Variants in DIPK1C observed in about 807,000 individuals in gnomAD.
DIPK1C encodes the protein familial non-conventional Alzheimer's dementia.
A neutral mutation model predicts 28.0 loss-of-function variants in DIPK1C; 33 were observed. That is an observed-to-expected ratio of 1.18 (90% CI 0.89 to 1.58). The LOEUF (loss-of-function observed/expected upper bound fraction) is 1.58. Ranked by LOEUF, DIPK1C falls within the 40% of genes most tolerant of loss-of-function variation. The pLI is 0.00. For missense variants in DIPK1C, 569 were observed against 568.5 expected (o/e 1.00, Z -0.01); for synonymous variants, 255 against 248.8 (o/e 1.02, Z -0.23).
upstream of DIPK1C, among the ~76,000 whole-genome samples, chr18:74,461,433 C>T (rs188168702): frequency 2.8e-4 from 40 of 144,140 alleles, no homozygotes; most frequent in East Asian, 5.6e-3. Context: ...GACAGGGTCT[C>T]GCTCTGTTGC....
chr18:74,463,583 C>T, the DIPK1C span, among the ~76,000 whole-genome samples: 1 of 152,140 alleles, frequency 6.6e-6, no homozygotes, highest in African/African-American at 2.4e-5. Context: ...CCTTCCCGCC[C>T]TCACCCCCAC....
Position 74,442,132 on chromosome 18 carries a change from C to G in DIPK1C, c.877-16G>C, listed in dbSNP as rs1271088126. 2.5e-6 allele frequency: 4 copies of G among 1,613,234 alleles called. No individual in the cohort carries two copies. In the East Asian group the frequency reaches 8.9e-5, roughly 36 times the overall value. On this transcript the variant is annotated splice_polypyrimidine_tract_variant and intron_variant, in intron 2 of 3. Coordinates refer to ENST00000343998, the MANE Select transcript of DIPK1C (RefSeq NM_001044369.3). ...TAGCCACCACCTGTAATCAAAACAG[C>G]ACGGGGCTATCAAAGGGCTACTGGT...
chr18:74,436,840 A>G, intron 3 of DIPK1C, 121 bp from the exon 4 acceptor site: 1 of 875,402 alleles, frequency 1.1e-6, no homozygotes, highest in Non-Finnish European at 1.7e-6. Flanking sequence ...CCCGTCCTTC[A>G]GGGAGCACAC....
At chr18:74,459,109 G>A (rs2144537360), upstream of DIPK1C, among the ~76,000 whole-genome samples, 1 of 152,336 alleles carries the variant, frequency 6.6e-6, no homozygotes, top group African/African-American at 2.4e-5. Flanking sequence ...TACCTAAAAG[G>A]AGAAAAAGAA....
At chr18:74,455,652 A>G (rs1986490608) in intron 1 of DIPK1C, among the ~76,000 whole-genome samples, 1 of 143,980 alleles carries the variant, frequency 6.9e-6, no homozygotes, top group Non-Finnish European at 1.5e-5. Flanking sequence ...TTAGCCAGGC[A>G]TGGTGGTGGA....
chr18:74,456,509 G>C (rs1351715268), intron 1 of DIPK1C, among the ~76,000 whole-genome samples: 1 of 152,222 alleles, frequency 6.6e-6, no homozygotes, highest in Non-Finnish European at 1.5e-5. Flanking sequence ...CCGCGACCGC[G>C]GAGAGCCTGG....
At chr18:74,444,457 G>A (rs1054847435) in intron 2 of DIPK1C, among the ~76,000 whole-genome samples, 4 of 152,288 alleles carry the variant, frequency 2.6e-5, no homozygotes, top group East Asian at 1.9e-4. Context: ...GGACCCACCC[G>A]CCGGGACTCT....
At chr18:74,448,967 G>T (rs569879928) in intron 1 of DIPK1C, among the ~76,000 whole-genome samples, 5 of 152,028 alleles carry the variant, frequency 3.3e-5, no homozygotes, top group Non-Finnish European at 7.4e-5. Context: ...AAATTAGCTG[G>T]GCATGGTGGT....
upstream of DIPK1C, among the ~76,000 whole-genome samples, chr18:74,460,766 A>T (rs1233374806): frequency 6.6e-6 from 1 of 152,226 alleles, no homozygotes; most frequent in Non-Finnish European, 1.5e-5. Flanking sequence ...GCTTAACTTG[A>T]TAGGAGTTCA....
In DIPK1C at chr18:74,447,574, G is replaced by A. The variant is rs1055138861; in HGVS notation, c.199-291C>T. 6.6e-6 allele frequency among the ~76,000 whole-genome samples: 1 copy of A among 152,206 alleles called. No homozygotes were observed. The highest frequency in any genetic ancestry group is 2.4e-5 in the African/African-American group (1 of 41,452). ...GCACGACTTCCCATCGTTCAGCTGG[G>A]TGACTCCGGGAAAGCCAGAGGCCAG... On this transcript the variant is annotated intron_variant, in intron 1 of 3. Coordinates refer to ENST00000343998, the MANE Select transcript of DIPK1C (RefSeq NM_001044369.3). The surrounding 1 kb of genome is among the most constrained non-coding windows in gnomAD (Gnocchi z 4.1).
chr18:74,456,609 A>G (rs1413091926), intron 1 of DIPK1C, among the ~76,000 whole-genome samples: 2 of 152,148 alleles, frequency 1.3e-5, no homozygotes, highest in African/African-American at 4.8e-5. Flanking sequence ...GGGTGGAATC[A>G]CAGAACGCGG....
chr18:74,450,656 A>T (rs1388354018), intron 1 of DIPK1C, among the ~76,000 whole-genome samples: 2 of 152,218 alleles, frequency 1.3e-5, no homozygotes, highest in Non-Finnish European at 2.9e-5. Flanking sequence ...CCTGCCGGCC[A>T]AGAAGCCACC....
chr18:74,443,627 T>C (rs1386660679), intron 2 of DIPK1C, among the ~76,000 whole-genome samples: 1 of 152,212 alleles, frequency 6.6e-6, no homozygotes, highest in South Asian at 2.1e-4. Flanking sequence ...AGATAAACAA[T>C]ATAGACCTTT....
upstream of DIPK1C, chr18:74,457,651 C>G (rs1318234230): frequency 6.6e-6 from 1 of 151,922 alleles, no homozygotes; most frequent in Non-Finnish European, 1.5e-5. Flanking sequence ...CCACCAACTT[C>G]TCTGAGAGGC....
chr18:74,452,665 T>C (rs1986424614), intron 1 of DIPK1C, among the ~76,000 whole-genome samples: 1 of 152,088 alleles, frequency 6.6e-6, no homozygotes, highest in African/African-American at 2.4e-5. Flanking sequence ...GGAGGATTGC[T>C]TGAGGCTGGG....
At chr18:74,455,294 G>A (rs57917744) in intron 1 of DIPK1C, among the ~76,000 whole-genome samples, 1,582 of 152,070 alleles carry the variant, frequency 0.01, 27 homozygotes, top group African/African-American at 0.034. Flanking sequence ...AATGGCATTC[G>A]TTTTCTATCT....
chr18:74,461,572 T>C (rs1394224059), upstream of DIPK1C, among the ~76,000 whole-genome samples: 2 of 152,056 alleles, frequency 1.3e-5, no homozygotes, highest in African/African-American at 4.8e-5. Context: ...GCTCAATGCG[T>C]TGTCCAGGCT....
In DIPK1C at chr18:74,447,751, T is replaced by C. The variant is rs1986305953; in HGVS notation, c.199-468A>G. Among the ~76,000 whole-genome samples the C allele has an allele frequency of 6.6e-6, 1 of 152,198 alleles. No individual in the cohort carries two copies. The highest frequency in any genetic ancestry group is 1.5e-5 in the Non-Finnish European group (1 of 68,040). ...CCAGGAGCCCTATCTGCCCCCAGGCTTGACCGCAGTAATGACCCTTCCTGC... is the reference window on the plus strand; with the variant it reads ...CCAGGAGCCCTATCTGCCCCCAGGCCTGACCGCAGTAATGACCCTTCCTGC... On this transcript the variant is annotated intron_variant, in intron 1 of 3. Transcript: ENST00000343998. This position sits in a 1 kb window ranked among gnomAD's most constrained non-coding sequence, Gnocchi z 4.1.
the DIPK1C span, among the ~76,000 whole-genome samples, chr18:74,464,489 C>A: frequency 6.6e-6 from 1 of 152,240 alleles, no homozygotes; most frequent in Non-Finnish European, 1.5e-5. Context: ...CAGAGTGGTA[C>A]ATTTGCTACC....
Sources: allele counts gnomAD v4.1 joint callset (sites outside exome capture counted in the v4.1 genomes callset), GRCh38; gene constraint gnomAD v4.1.1; non-coding constraint Gnocchi (gnomAD v3.1); transcripts MANE v1.5; gene names NCBI Gene and HGNC (gene_info 2026-07-23, HGNC 2026-07-21).